Variants in PSMA1 observed in about 807,000 individuals in gnomAD.
PSMA1 encodes the protein proteasome subunit alpha type-1.
PSMA1 carries 3 observed loss-of-function variants against 38.4 expected under a neutral mutation model. That is an observed-to-expected ratio of 0.08 (90% CI 0.04 to 0.20). The LOEUF (loss-of-function observed/expected upper bound fraction) is 0.20, where lower values mean the gene tolerates loss of function less well. Among genes scored for constraint, PSMA1 ranks in the 10% least tolerant of loss-of-function variants. The pLI is 1.00. For missense variants in PSMA1, 227 were observed against 325.3 expected (o/e 0.70, Z 2.32); for synonymous variants, 101 against 107.1 (o/e 0.94, Z 0.35).
intron 2 of PSMA1, among the ~76,000 whole-genome samples, chr11:14,546,145 T>A (rs1361804495): frequency 2.7e-5 from 4 of 148,544 alleles, no homozygotes; most frequent in African/African-American, 9.8e-5. Flanking sequence ...TCTCTCTCTC[T>A]CTCTCTTTTT....
chr11:14,633,177 T>G (rs1353501157), intron 1 of PSMA1, among the ~76,000 whole-genome samples: 1 of 152,110 alleles, frequency 6.6e-6, no homozygotes, highest in Non-Finnish European at 1.5e-5. Context: ...CCATTGCTGG[T>G]GAGGAACTGC....
chr11:14,588,179 G>C (rs1162134329), intron 2 of PSMA1, among the ~76,000 whole-genome samples: 1 of 152,170 alleles, frequency 6.6e-6, no homozygotes, highest in East Asian at 1.9e-4. Flanking sequence ...ACTCTGCCTG[G>C]GAATATCAGG....
At chr11:14,625,900 A>G (rs1852903262) in intron 1 of PSMA1, among the ~76,000 whole-genome samples, 1 of 152,224 alleles carries the variant, frequency 6.6e-6, no homozygotes, top group Non-Finnish European at 1.5e-5. Context: ...CAGTGCCACC[A>G]GGGAATAAGA....
At chr11:14,630,939 T>C (rs1387393756) in intron 1 of PSMA1, among the ~76,000 whole-genome samples, 4 of 152,250 alleles carry the variant, frequency 2.6e-5, no homozygotes, top group Non-Finnish European at 5.9e-5. Context: ...CTAGATTTTC[T>C]AGTTTATTTG....
At chr11:14,570,608 G>T (rs557083522) in intron 2 of PSMA1, among the ~76,000 whole-genome samples, 1 of 151,604 alleles carries the variant, frequency 6.6e-6, no homozygotes, top group Non-Finnish European at 1.5e-5. Flanking sequence ...GAGGAAAGGA[G>T]TGATTGAAGA....
At chr11:14,552,614 C>T (rs939918915) in intron 2 of PSMA1, among the ~76,000 whole-genome samples, 2 of 152,030 alleles carry the variant, frequency 1.3e-5, no homozygotes, top group Admixed American at 1.3e-4. Context: ...TGCTACTTGC[C>T]TTCTTGAAGC....
chr11:14,613,443 G>A lies in PSMA1; in HGVS notation c.-165-2292C>T, dbSNP rs916745390. On this transcript the variant is annotated intron_variant, in intron 1 of 10. Coordinates refer to the PSMA1 transcript ENST00000418988. The stretch of plus-strand genomic sequence containing the variant: ...AATTTTTTGTATTTTTAGTAGAGAC[G>A]GGGTTTCACCATGTTGGCCAGTCTG... Among the ~76,000 whole-genome samples the A allele has an allele frequency of 5.9e-5, 9 of 151,712 alleles. No individual in the cohort carries two copies. In the South Asian group the frequency reaches 8.3e-4, roughly 14 times the overall value.
chr11:14,588,568 T>C (rs1261137573), intron 2 of PSMA1, among the ~76,000 whole-genome samples: 1 of 152,188 alleles, frequency 6.6e-6, no homozygotes, highest in African/African-American at 2.4e-5. Context: ...TACTGTGACA[T>C]AATCCACAAC....
At chr11:14,580,547 G>A (rs562368701) in intron 2 of PSMA1, among the ~76,000 whole-genome samples, 6 of 152,266 alleles carry the variant, frequency 3.9e-5, no homozygotes, top group Middle Eastern at 3.4e-3. Context: ...CTTCCCCTGA[G>A]TCCAGTACTT....
intron 8 of PSMA1, among the ~76,000 whole-genome samples, 190 bp downstream of exon 8, chr11:14,510,682 C>G (rs911960448): frequency 6.6e-6 from 1 of 152,102 alleles, no homozygotes; most frequent in Non-Finnish European, 1.5e-5. Context: ...ACTGGTTTTA[C>G]TGCTTTGTAC....
chr11:14,540,093 T>A (rs531578117), intron 2 of PSMA1, among the ~76,000 whole-genome samples: 2 of 152,316 alleles, frequency 1.3e-5, no homozygotes, highest in South Asian at 4.1e-4. Flanking sequence ...CATTTGTGGC[T>A]TCAGAACTGA....
chr11:14,514,943 C>T (rs1228733368), intron 4 of PSMA1, among the ~76,000 whole-genome samples: 2 of 152,152 alleles, frequency 1.3e-5, no homozygotes, highest in Non-Finnish European at 2.9e-5. Flanking sequence ...GGGATCTTTA[C>T]GTGTTTCTGC....
At chr11:14,528,810 C>A (rs936848087) in intron 2 of PSMA1, among the ~76,000 whole-genome samples, 1 of 152,110 alleles carries the variant, frequency 6.6e-6, no homozygotes, top group Non-Finnish European at 1.5e-5. Context: ...TAATCTCCCC[C>A]ACCCTTAAGA....
chr11:14,598,351 T>G (rs1852529799), intron 2 of PSMA1, among the ~76,000 whole-genome samples: 1 of 151,924 alleles, frequency 6.6e-6, no homozygotes, highest in Non-Finnish European at 1.5e-5. Context: ...AGTGGGGTGT[T>G]TGTCTCCCAT....
At chr11:14,579,759 C>T (rs527401480) in intron 2 of PSMA1, among the ~76,000 whole-genome samples, 12 of 152,198 alleles carry the variant, frequency 7.9e-5, no homozygotes, top group African/African-American at 2.9e-4. Context: ...AAACCTTTGG[C>T]CTATTAGAAT....
chr11:14,546,419 T>A (rs1485216634), intron 2 of PSMA1, among the ~76,000 whole-genome samples: 2 of 152,050 alleles, frequency 1.3e-5, no homozygotes, highest in Non-Finnish European at 2.9e-5. Context: ...ATAATTGTTG[T>A]TTAGAGCTCT....
chr11:14,607,681 GTCTGACA>G (rs1420989333), intron 2 of PSMA1, among the ~76,000 whole-genome samples: 1 of 151,426 alleles, frequency 6.6e-6, no homozygotes, highest in African/African-American at 2.4e-5. Context: ...CATGGTGTAG[GTCTGACA>G]TCTGTGCAAG....
chr11:14,615,908 G>A (rs1217946755), intron 1 of PSMA1, among the ~76,000 whole-genome samples: 1 of 152,154 alleles, frequency 6.6e-6, no homozygotes, highest in East Asian at 1.9e-4. Flanking sequence ...TGCAAAGACC[G>A]CAGTAGGACA....
chr11:14,541,820 A>G (rs2134164703), intron 2 of PSMA1, among the ~76,000 whole-genome samples: 1 of 152,366 alleles, frequency 6.6e-6, no homozygotes, highest in Admixed American at 6.5e-5. Flanking sequence ...CAGGGCGGAT[A>G]GTTTATAAAC....
Sources: allele counts gnomAD v4.1 joint callset (sites outside exome capture counted in the v4.1 genomes callset), GRCh38; gene constraint gnomAD v4.1.1; transcripts MANE v1.5; gene names NCBI Gene and HGNC (gene_info 2026-07-23, HGNC 2026-07-21).